CCDC117: variants seen among roughly 807,000 people sequenced by gnomAD.
The protein encoded by CCDC117 is coiled-coil domain containing 117.
A neutral mutation model predicts 23.5 loss-of-function variants in CCDC117; 1 was observed. That is an observed-to-expected ratio of 0.04 (90% CI 0.02 to 0.20). CCDC117 has a LOEUF of 0.20. Ranked by LOEUF, CCDC117 falls within the 10% of genes least tolerant of loss-of-function variation. CCDC117 has a pLI of 1.00. For synonymous variants in CCDC117, 132 were observed against 124.8 expected (o/e 1.06, Z -0.39); for missense variants, 383 against 348.2 (o/e 1.10, Z -0.80).
intron 2 of CCDC117, among the ~76,000 whole-genome samples, chr22:28,775,645 T>TCC (rs2031140324): frequency 6.6e-6 from 1 of 152,122 alleles, no homozygotes; most frequent in African/African-American, 2.4e-5. Flanking sequence ...ACACCTGTAA[T>TCC]CCCGGCACTT....
chr22:28,789,039 AACTT>A lies in CCDC117; in HGVS notation c.*2717_*2720del, dbSNP rs1447479704. 1.3e-5 allele frequency: 2 copies of A among 152,148 alleles called. No homozygotes were observed. Among genetic ancestry groups the A allele is most frequent in the African/African-American group, 4.8e-5 (2 of 41,338 alleles). 9.4% of individuals were successfully genotyped at this position (152,148 alleles called of 1,614,324 possible). A position where few individuals can be genotyped will look rare whatever the true frequency, so the allele number is the denominator to read the frequency against. On this transcript the variant is annotated 3_prime_UTR_variant, in exon 5 of 5. Coordinates refer to ENST00000249064, the MANE Select transcript of CCDC117 (RefSeq NM_173510.4). Reference sequence around the variant, plus strand: ...TCTCATAAATATTGATCACTTAAAAAACTTACTCTTTCTTGAAAAGGTACACATG... The same window carrying A: ...TCTCATAAATATTGATCACTTAAAAAACTCTTTCTTGAAAAGGTACACATG...
At chr22:28,777,826 T>G (rs761383516) in intron 2 of CCDC117, among the ~76,000 whole-genome samples, 15 of 151,878 alleles carry the variant, frequency 9.9e-5, no homozygotes, top group Non-Finnish European at 1.6e-4. Flanking sequence ...AATTTTCTAT[T>G]GGCTTATTGA....
rs2031507703 is a variant in CCDC117, at chr22:28,786,283, G to A, written c.797G>A (p.Ser266Asn). The change falls in exon 5 of 5, where the codon AGT (serine) becomes AAT (asparagine). Residue 266 changes from serine (S) to asparagine (N), a missense_variant. Physicochemically the swap from Ser to Asn is conservative, Grantham distance 46. Transcript: ENST00000249064. Reference protein sequence around the residue: ...PRPTGMSLYNSLETATSTEEE... With the variant: ...PRPTGMSLYNNLETATSTEEE... ...CCAACAGGGATGTCTCTTTATAATA[G>A]TTTGGAGACAGCTACTAGCACAGAA... is the stretch of plus-strand genomic sequence containing the variant. 6 of 1,614,010 alleles carry A rather than the reference G, an allele frequency of 3.7e-6. No individual in the cohort carries two copies. Among genetic ancestry groups the A allele is most frequent in the Non-Finnish European group, 5.1e-6 (6 of 1,180,020 alleles).
At chr22:28,782,181 G>A (rs1406153335) in intron 3 of CCDC117, among the ~76,000 whole-genome samples, 3 of 137,372 alleles carry the variant, frequency 2.2e-5, no homozygotes, top group African/African-American at 5.6e-5. Context: ...CGAGCAAGCC[G>A]CCTGCCTCGG....
At chr22:28,784,756 G>T (rs2031458715) in intron 4 of CCDC117, among the ~76,000 whole-genome samples, 1 of 152,086 alleles carries the variant, frequency 6.6e-6, no homozygotes, top group African/African-American at 2.4e-5. Flanking sequence ...TAGCCTTTGA[G>T]GGTATCTCGT....
At chr22:28,782,126 C>T (rs1433507973) in intron 3 of CCDC117, among the ~76,000 whole-genome samples, 14 of 150,654 alleles carry the variant, frequency 9.3e-5, no homozygotes, top group Admixed American at 9.3e-4. Context: ...TTTGTAGAGA[C>T]GGGATTTCGC....
intron 3 of CCDC117, among the ~76,000 whole-genome samples, chr22:28,781,817 A>G (rs1013909452): frequency 6.9e-6 from 1 of 145,152 alleles, no homozygotes; most frequent in Non-Finnish European, 1.5e-5. Context: ...CTAATTTTGT[A>G]TTTTTAATAG....
At chr22:28,784,266 A>G (rs1462538134) in intron 4 of CCDC117, among the ~76,000 whole-genome samples, 2 of 152,226 alleles carry the variant, frequency 1.3e-5, no homozygotes, top group Admixed American at 6.5e-5. Context: ...CTGTGAGGAC[A>G]AGAGAGGAAA....
intron 1 of CCDC117, chr22:28,773,506 T>G (rs565918005): frequency 1.7e-6 from 1 of 586,552 alleles, no homozygotes; most frequent in Non-Finnish European, 3.1e-6. Context: ...CTGTCTTCCA[T>G]TACGTTGATA....
chr22:28,781,308 G>A (rs921955985), intron 3 of CCDC117, 136 bp downstream of exon 3: 1 of 418,832 alleles, frequency 2.4e-6, no homozygotes, highest in Non-Finnish European at 4.7e-6. Context: ...ATAATTCAAA[G>A]TGTATTCGTT....
rs1333312247 is a variant in CCDC117, at chr22:28,786,590, A to G, written c.*264A>G. 1 of 404,594 alleles carries G rather than the reference A, an allele frequency of 2.5e-6. No homozygotes were observed. Among genetic ancestry groups the G allele is most frequent in the African/African-American group, 2.0e-5 (1 of 49,704 alleles). The allele number at this position is 404,594 out of a possible 1,614,324, so 25.1% of individuals were successfully genotyped here. On this transcript the variant is annotated 3_prime_UTR_variant, in exon 5 of 5. Transcript: ENST00000249064. ...GTTTACATTGTCTTCAAAGACAAGTATAGAAGCTGTATGTGTAAGGGTGAC... is the reference window on the plus strand; with the variant it reads ...GTTTACATTGTCTTCAAAGACAAGTGTAGAAGCTGTATGTGTAAGGGTGAC...
At chr22:28,779,605 C>T (rs2031264079) in intron 2 of CCDC117, among the ~76,000 whole-genome samples, 1 of 152,050 alleles carries the variant, frequency 6.6e-6, no homozygotes, top group African/African-American at 2.4e-5. Context: ...TAATTATAAA[C>T]CAAACATTTT....
At chr22:28,777,275 C>T (rs549105889) in intron 2 of CCDC117, among the ~76,000 whole-genome samples, 14 of 151,712 alleles carry the variant, frequency 9.2e-5, no homozygotes, top group East Asian at 3.9e-4. Context: ...TTCGCTCGCC[C>T]GCTGGCCCTG....
chr22:28,787,121 GA>G lies in CCDC117; in HGVS notation c.*797del, dbSNP rs1444002187. The G allele has an allele frequency of 6.6e-6, 1 of 152,478 alleles. No individual in the cohort carries two copies. The allele number at this position is 152,478 out of a possible 1,614,324, so 9.4% of individuals were successfully genotyped here. On this transcript the variant is annotated 3_prime_UTR_variant, in exon 5 of 5. Coordinates refer to ENST00000249064, the MANE Select transcript of CCDC117 (RefSeq NM_173510.4). ...GAAGCATCCTTTAGTTCATCTTAAG[GA>G]AGTGCTTTATCAGCTAAACCCAACA... is the stretch of plus-strand genomic sequence containing the variant.
At chr22:28,778,383 A>G (rs941426550) in intron 2 of CCDC117, among the ~76,000 whole-genome samples, 1 of 152,066 alleles carries the variant, frequency 6.6e-6, no homozygotes, top group East Asian at 1.9e-4. Flanking sequence ...CGAGGCAGGC[A>G]GATCACCTCA....
At chr22:28,784,507 C>T (rs1011077109) in intron 4 of CCDC117, among the ~76,000 whole-genome samples, 1 of 152,170 alleles carries the variant, frequency 6.6e-6, no homozygotes, top group Non-Finnish European at 1.5e-5. Context: ...CTTAGGACAC[C>T]AGTCAGTGAG....
chr22:28,773,624 G>A, intron 1 of CCDC117, 101 bp from the exon 2 acceptor site: 1 of 915,978 alleles, frequency 1.1e-6, no homozygotes, highest in Non-Finnish European at 1.8e-6. Context: ...GGGACGTTTG[G>A]TATGTGGGGA....
chr22:28,785,427 A>G (rs1182558601), intron 4 of CCDC117, among the ~76,000 whole-genome samples: 2 of 152,064 alleles, frequency 1.3e-5, no homozygotes, highest in African/African-American at 4.8e-5. Context: ...GGCTCAAACC[A>G]TCTGCCTGGC....
intron 4 of CCDC117, among the ~76,000 whole-genome samples, chr22:28,783,990 T>A (rs1025987050): frequency 2.0e-5 from 3 of 152,158 alleles, no homozygotes; most frequent in Non-Finnish European, 4.4e-5. Context: ...CCTGGCTTTC[T>A]AAGTGACCCA....
Sources: gnomAD v4.1 joint callset for allele counts (sites outside exome capture counted in the v4.1 genomes callset) on GRCh38, gnomAD v4.1.1 for gene constraint, MANE v1.5 for transcripts, NCBI Gene and HGNC (gene_info 2026-07-23, HGNC 2026-07-21) for gene names.